DOCK3: variants seen among roughly 807,000 people sequenced by gnomAD.
DOCK3 encodes the protein dedicator of cytokinesis 3, also known as dedicator of cytokinesis protein 3.
DOCK3 carries 60 observed loss-of-function variants against 265.6 expected under a neutral mutation model. The observed-to-expected ratio is 0.23, with a 90% confidence interval of 0.18 to 0.28. The LOEUF (loss-of-function observed/expected upper bound fraction) is 0.28. Among genes scored for constraint, DOCK3 ranks in the 10% least tolerant of loss-of-function variants. The pLI, the probability that DOCK3 is intolerant of heterozygous loss-of-function variation, is 1.00. For missense variants in DOCK3, 1,981 were observed against 2,594.3 expected (o/e 0.76, Z 5.14); for synonymous variants, 881 against 938.0 (o/e 0.94, Z 1.11).
chr3:50,895,638 T>C (rs2048860041), intron 4 of DOCK3, among the ~76,000 whole-genome samples: 1 of 152,120 alleles, frequency 6.6e-6, no homozygotes, highest in South Asian at 2.1e-4. Flanking sequence ...CAACATTAGG[T>C]ATTTCTCCTA....
At chr3:50,989,240 C>T (rs530426669) in intron 5 of DOCK3, among the ~76,000 whole-genome samples, 2 of 152,106 alleles carry the variant, frequency 1.3e-5, no homozygotes, top group African/African-American at 2.4e-5. Context: ...CCAGGAGACA[C>T]GCAGATGACC....
At chr3:50,767,534 G>A (rs2040974386) in intron 1 of DOCK3, among the ~76,000 whole-genome samples, 1 of 152,160 alleles carries the variant, frequency 6.6e-6, no homozygotes, top group Non-Finnish European at 1.5e-5. Flanking sequence ...TTGTAGTATA[G>A]TTTGAGGTCA....
intron 5 of DOCK3, among the ~76,000 whole-genome samples, chr3:51,010,446 CT>C (rs561726800): frequency 3.8e-4 from 58 of 151,384 alleles, no homozygotes; most frequent in African/African-American, 1.3e-3. Context: ...GCAACCCCTA[CT>C]TTTTTTTTGC....
chr3:51,350,186 C>A (rs1465028672), intron 39 of DOCK3, 102 bp from the exon 40 acceptor site: 2 of 988,158 alleles, frequency 2.0e-6, no homozygotes, highest in Admixed American at 2.4e-5. Flanking sequence ...GATTGAGTTG[C>A]CATGATCCCT....
chr3:50,750,475 G>T (rs1028711586), intron 1 of DOCK3, among the ~76,000 whole-genome samples: 1 of 151,836 alleles, frequency 6.6e-6, no homozygotes, highest in Non-Finnish European at 1.5e-5. Context: ...GATTACAGGC[G>T]CCTGCCACCA....
chr3:50,858,249 C>T (rs543586712), intron 3 of DOCK3, among the ~76,000 whole-genome samples: 46 of 151,810 alleles, frequency 3.0e-4, no homozygotes, highest in South Asian at 1.3e-3. Context: ...GGACACAGGA[C>T]GGGGAACATC....
chr3:50,686,908 CA>C (rs34051001), intron 1 of DOCK3, among the ~76,000 whole-genome samples: 8,759 of 90,410 alleles, frequency 0.097, 353 homozygotes, highest in Admixed American at 0.12. Flanking sequence ...GACTCCATCT[CA>C]AAAAAAAAAA....
chr3:50,794,826 C>A (rs1308557159), intron 2 of DOCK3, among the ~76,000 whole-genome samples: 1 of 152,098 alleles, frequency 6.6e-6, no homozygotes, highest in Admixed American at 6.6e-5. Flanking sequence ...TATAGTGTTA[C>A]TGGTCTGTGT....
chr3:51,357,723 G>A (rs1231099474), intron 44 of DOCK3, 35 bp from the exon 45 acceptor site: 2 of 1,610,942 alleles, frequency 1.2e-6, no homozygotes, highest in Admixed American at 1.7e-5. Context: ...GTAGTCCTGG[G>A]AAGAGTCTTC....
In DOCK3 at chr3:51,016,941, G is replaced by GT. The variant is rs1230090016; in HGVS notation, c.316-47505dup. ...AAATATATTAATATATACAATATAT[G>GT]TTATATATAATATATATATTATATA... On this transcript the variant is annotated intron_variant, in intron 5 of 52. Transcript: ENST00000266037. Among the ~76,000 whole-genome samples, 139 of 105,604 alleles carry GT rather than the reference G, an allele frequency of 1.3e-3. 31 individuals are homozygous for GT. Among genetic ancestry groups the GT allele is most frequent in the African/African-American group, 4.5e-3 (116 of 25,530 alleles). 69.3% of individuals were successfully genotyped at this position (105,604 alleles called of 152,430 possible).
chr3:50,940,058 C>CACACTCATACACACACAA (rs1553709219), intron 5 of DOCK3, among the ~76,000 whole-genome samples: 41 of 151,256 alleles, frequency 2.7e-4, no homozygotes, highest in African/African-American at 1.0e-3. Context: ...TACCCACAGA[C>CACACTCATACACACACAA]ACACACATAC....
At chr3:51,013,741 C>T (rs1166359758) in intron 5 of DOCK3, among the ~76,000 whole-genome samples, 1 of 152,210 alleles carries the variant, frequency 6.6e-6, no homozygotes, top group Non-Finnish European at 1.5e-5. Context: ...GCAGAAGTTT[C>T]TGCTGCCTTT....
chr3:51,285,534 A>G (rs1437189405), intron 27 of DOCK3, among the ~76,000 whole-genome samples: 2 of 151,752 alleles, frequency 1.3e-5, no homozygotes, highest in African/African-American at 2.4e-5. Context: ...AATTTCAATA[A>G]AAGGATTCAG....
intron 3 of DOCK3, among the ~76,000 whole-genome samples, chr3:50,874,710 C>T (rs1257006840): frequency 6.6e-6 from 1 of 151,864 alleles, no homozygotes; most frequent in Non-Finnish European, 1.5e-5. Flanking sequence ...TTTTTGGTAG[C>T]TATTGTAAAT....
intron 51 of DOCK3, among the ~76,000 whole-genome samples, chr3:51,379,057 C>G (rs969161738): frequency 1.7e-4 from 26 of 152,204 alleles, no homozygotes; most frequent in African/African-American, 6.3e-4. Flanking sequence ...AGAGCTGACT[C>G]TAGACTTTGG....
chr3:51,117,245 G>C (rs2083781122), intron 9 of DOCK3, among the ~76,000 whole-genome samples: 1 of 152,144 alleles, frequency 6.6e-6, no homozygotes, highest in African/African-American at 2.4e-5. Flanking sequence ...CATTGGTTCT[G>C]TGTATGTGAT....
At chr3:51,165,135 C>T (rs1251750364) in intron 12 of DOCK3, among the ~76,000 whole-genome samples, 1 of 152,052 alleles carries the variant, frequency 6.6e-6, no homozygotes, top group Admixed American at 6.6e-5. Context: ...GATGGGGTTT[C>T]ACCATGTTGG....
intron 12 of DOCK3, among the ~76,000 whole-genome samples, chr3:51,202,713 C>CA (rs1440320143): frequency 6.6e-6 from 1 of 151,746 alleles, no homozygotes; most frequent in Non-Finnish European, 1.5e-5. Flanking sequence ...GAGACACAAC[C>CA]AAAAAAGAGA....
chr3:51,129,189 A>G (rs996947173), intron 9 of DOCK3, among the ~76,000 whole-genome samples: 2 of 152,222 alleles, frequency 1.3e-5, no homozygotes, highest in African/African-American at 4.8e-5. Context: ...AAAGTGCACA[A>G]CCAGGTGCAC....
Sources: allele counts gnomAD v4.1 joint callset (sites outside exome capture counted in the v4.1 genomes callset), GRCh38; gene constraint gnomAD v4.1.1; transcripts MANE v1.5; gene names NCBI Gene and HGNC (gene_info 2026-07-23, HGNC 2026-07-21).